PPM1D: variants seen among roughly 807,000 people sequenced by gnomAD.
The protein encoded by PPM1D is protein phosphatase 1D.
Under a neutral mutation model 58.3 loss-of-function variants are expected in PPM1D, and 52 were observed. The observed-to-expected ratio is 0.89, with a 90% CI of 0.71 to 1.12. PPM1D has a LOEUF of 1.12. PPM1D is among the 50% of genes most tolerant of loss of function. The pLI, the probability that PPM1D is intolerant of heterozygous loss-of-function variation, is 0.00. For missense variants in PPM1D, 564 were observed against 777.2 expected (o/e 0.73, Z 3.26); for synonymous variants, 278 against 285.1 (o/e 0.98, Z 0.25).
intron 3 of PPM1D, among the ~76,000 whole-genome samples, chr17:60,645,990 A>G (rs1022738813): frequency 6.6e-6 from 1 of 152,056 alleles, no homozygotes; most frequent in East Asian, 1.9e-4. Context: ...CAAAAAATAA[A>G]TTAGCTGGGC....
At chr17:60,656,889 C>A (rs762551675) in intron 5 of PPM1D, 48 bp downstream of exon 5, 32 of 1,611,502 alleles carry the variant, frequency 2.0e-5, no homozygotes, top group Non-Finnish European at 2.7e-5. Flanking sequence ...GACACCAGTT[C>A]TTTGGTTAGC....
At chr17:60,654,505 A>T (rs1435670334) in intron 4 of PPM1D, among the ~76,000 whole-genome samples, 1 of 148,598 alleles carries the variant, frequency 6.7e-6, no homozygotes, top group African/African-American at 2.5e-5. Context: ...CCCTGTCTCA[A>T]AAAACAACAA....
chr17:60,656,577 C>G, intron 4 of PPM1D, 22 bp from the exon 5 acceptor site: 1 of 1,607,284 alleles, frequency 6.2e-7, no homozygotes, highest in Admixed American at 1.7e-5. Context: ...TACTTTCCTT[C>G]TCCTTGTTCT....
intron 1 of PPM1D, among the ~76,000 whole-genome samples, chr17:60,618,464 C>T (rs538906799): frequency 4.7e-4 from 71 of 152,286 alleles, no homozygotes; most frequent in Non-Finnish European, 7.9e-4. Context: ...TTGCTATTGT[C>T]GAACTTTAAT....
At chr17:60,662,660 C>T (rs572375457) in intron 5 of PPM1D, among the ~76,000 whole-genome samples, 8 of 152,056 alleles carry the variant, frequency 5.3e-5, no homozygotes, top group Non-Finnish European at 8.8e-5. Context: ...AATCTTGTTC[C>T]TTAATGTATC....
rs1411435543 is a variant in PPM1D at position 60,609,076 on chromosome 17, A to G, written c.472+8190A>G. 2.0e-5 allele frequency among the ~76,000 whole-genome samples: 3 copies of G among 149,348 alleles called. No individual in the cohort carries two copies. In the East Asian group the frequency reaches 6.1e-4, roughly 30 times the overall value. On this transcript the variant is annotated intron_variant, in intron 1 of 5. Transcript: ENST00000305921. ...TTATGTATATCTTTAACCAATATAC[A>G]GTACATTTTGTATTTTGTTTGTTTG... is the stretch of plus-strand genomic sequence containing the variant.
At chr17:60,628,677 C>T (rs1302942907) in intron 2 of PPM1D, among the ~76,000 whole-genome samples, 2 of 151,998 alleles carry the variant, frequency 1.3e-5, no homozygotes, top group Non-Finnish European at 2.9e-5. Flanking sequence ...CTGAGTTATA[C>T]AGATCTTGCA....
Position 60,600,259 on chromosome 17 carries a change from C to T in PPM1D, c.-156C>T. On this transcript the variant is annotated 5_prime_UTR_variant, in exon 1 of 6. Transcript: ENST00000305921. ...TCCGGCCCAGCTCTCGCGGACAAGTCCAGACATCGCGCGCCCCCCCTTCTC... is the reference window on the plus strand; with the variant it reads ...TCCGGCCCAGCTCTCGCGGACAAGTTCAGACATCGCGCGCCCCCCCTTCTC... 2.9e-6 allele frequency: 4 copies of T among 1,386,640 alleles called. No individual in the cohort carries two copies. The highest frequency in any genetic ancestry group is 2.8e-5 in the Admixed American group (1 of 36,104). The allele number at this position is 1,386,640 out of a possible 1,614,324, so 85.9% of individuals were successfully genotyped here.
intron 1 of PPM1D, among the ~76,000 whole-genome samples, 164 bp from the exon 2 acceptor site, chr17:60,623,353 CATTA>C (rs1304459180): frequency 6.6e-6 from 1 of 152,120 alleles, no homozygotes; most frequent in Admixed American, 6.6e-5. Context: ...TTAATGTATT[CATTA>C]ATTAACCTAA....
intron 1 of PPM1D, among the ~76,000 whole-genome samples, chr17:60,618,384 T>C (rs767417604): frequency 6.6e-6 from 1 of 152,240 alleles, no homozygotes; most frequent in African/African-American, 2.4e-5. Flanking sequence ...TTACCTGCAA[T>C]GTACCAGTTT....
rs1333974526 is a variant in PPM1D, at chr17:60,600,626, C to T, written c.212C>T (p.Ala71Val). Residue 71 changes from alanine (A) to valine (V), a missense_variant, in exon 1 of 6, where the codon GCA becomes GTA. Physicochemically the swap from Ala to Val is moderately conservative, Grantham distance 64. Coordinates refer to ENST00000305921, the MANE Select transcript of PPM1D (RefSeq NM_003620.4). ...GEVSGKGPAVAAREARDPLPD... is the reference protein window; with the variant it reads ...GEVSGKGPAVVAREARDPLPD... The stretch of plus-strand genomic sequence containing the variant: ...GTCTCGGGGAAAGGCCCAGCGGTGG[C>T]AGCCCGAGAGGCTCGCGACCCTCTC... 1.3e-6 allele frequency: 2 copies of T among 1,560,520 alleles called. No individual in the cohort carries two copies. Among genetic ancestry groups the T allele is most frequent in the Non-Finnish European group, 1.7e-6 (2 of 1,154,990 alleles).
At chr17:60,633,623 A>T (rs981368221) in intron 2 of PPM1D, among the ~76,000 whole-genome samples, 1 of 151,826 alleles carries the variant, frequency 6.6e-6, no homozygotes, top group African/African-American at 2.4e-5. Context: ...TTCACATTAC[A>T]TTCATTTGGT....
At chr17:60,615,517 GAAAT>G (rs1205018080) in intron 1 of PPM1D, among the ~76,000 whole-genome samples, 8 of 151,168 alleles carry the variant, frequency 5.3e-5, no homozygotes, top group Non-Finnish European at 1.0e-4. Context: ...TATAAAGTAG[GAAAT>G]AAATACTATA....
At chr17:60,607,357 A>G in intron 1 of PPM1D, among the ~76,000 whole-genome samples, 1 of 151,986 alleles carries the variant, frequency 6.6e-6, no homozygotes, top group East Asian at 1.9e-4. Flanking sequence ...ATCTCAGCTC[A>G]CTGCAACCTC....
intron 3 of PPM1D, among the ~76,000 whole-genome samples, chr17:60,636,953 T>G (rs562432480): frequency 6.7e-6 from 1 of 149,514 alleles, no homozygotes; most frequent in African/African-American, 2.4e-5. Flanking sequence ...GCGACAGCGC[T>G]CAGCCTACTC....
intron 5 of PPM1D, among the ~76,000 whole-genome samples, chr17:60,661,724 T>C (rs931162504): frequency 1.3e-5 from 2 of 152,192 alleles, no homozygotes; most frequent in African/African-American, 4.8e-5. Context: ...GAGCAGTATC[T>C]AGTGTTTGCA....
intron 1 of PPM1D, among the ~76,000 whole-genome samples, chr17:60,622,242 T>G (rs2030722647): frequency 6.6e-6 from 1 of 152,172 alleles, no homozygotes; most frequent in African/African-American, 2.4e-5. Context: ...GATTTTTCTT[T>G]TTGCTTATGT....
chr17:60,629,505 A>G (rs1036594762), intron 2 of PPM1D, among the ~76,000 whole-genome samples: 2 of 152,184 alleles, frequency 1.3e-5, no homozygotes, highest in Admixed American at 6.5e-5. Flanking sequence ...CTTTCAGGCT[A>G]TAGTCTATTT....
chr17:60,661,135 C>T (rs1304445428), intron 5 of PPM1D, among the ~76,000 whole-genome samples: 1 of 147,888 alleles, frequency 6.8e-6, no homozygotes, highest in Non-Finnish European at 1.5e-5. Flanking sequence ...AGGAGAATCC[C>T]TTGAACCTGG....
Sources: gnomAD v4.1 joint callset for allele counts (sites outside exome capture counted in the v4.1 genomes callset) on GRCh38, gnomAD v4.1.1 for gene constraint, MANE v1.5 for transcripts, NCBI Gene and HGNC (gene_info 2026-07-23, HGNC 2026-07-21) for gene names.